ZFPM1: variants seen among roughly 807,000 people sequenced by gnomAD.
ZFPM1 encodes zinc finger protein ZFPM1.
Under a neutral mutation model 46.3 loss-of-function variants are expected in ZFPM1, and 28 were observed. The observed-to-expected ratio is 0.60, with a 90% CI of 0.45 to 0.83. ZFPM1 has a LOEUF of 0.83. ZFPM1 is among the 40% of genes least tolerant of loss of function. The pLI, the probability that ZFPM1 is intolerant of heterozygous loss-of-function variation, is 0.00. For missense variants in ZFPM1, 1,878 were observed against 1,432.4 expected (o/e 1.31, Z -5.02); for synonymous variants, 957 against 675.9 (o/e 1.42, Z -6.45).
chr16:88,534,507 G>C lies in ZFPM1; in HGVS notation c.2549G>C (p.Gly850Ala). The C allele has an allele frequency of 1.4e-6, 2 of 1,448,474 alleles. No individual in the cohort carries two copies. Among genetic ancestry groups the C allele is most frequent in the South Asian group, 2.6e-5 (2 of 77,154 alleles). 89.7% of individuals were successfully genotyped at this position (1,448,474 alleles called of 1,614,324 possible). Reference sequence around the variant, plus strand: ...GCTGCGCCACCGCCCGGCGCGCTCGGCCTGCCCGCCGCCGCCTGCCCCTAC... The same window carrying C: ...GCTGCGCCACCGCCCGGCGCGCTCGCCCTGCCCGCCGCCGCCTGCCCCTAC... ...CPAAPPPGAL[G>A]LPAAACPYCP... Residue 850 changes from glycine (G) to alanine (A), a missense_variant, in exon 10 of 10, where the codon GGC (glycine) becomes GCC (alanine). By Grantham distance (60) the Gly-to-Ala change is moderately conservative. Coordinates refer to ENST00000319555, the MANE Select transcript of ZFPM1 (RefSeq NM_153813.3).
intron 3 of ZFPM1, among the ~76,000 whole-genome samples, chr16:88,491,799 G>A (rs762983357): frequency 3.3e-5 from 5 of 152,218 alleles, no homozygotes; most frequent in South Asian, 2.1e-4. Context: ...GGGCTGATAC[G>A]CGGCCGCTGG....
At position 88,492,695 on chromosome 16, in the gene ZFPM1, C is replaced by T. The variant is rs191725337; in HGVS notation, c.268+3542C>T. Among the ~76,000 whole-genome samples the T allele has an allele frequency of 6.3e-3, 954 of 152,302 alleles. 8 individuals carry two copies. Among genetic ancestry groups the T allele is most frequent in the African/African-American group, 0.022 (906 of 41,574 alleles). On this transcript the variant is annotated intron_variant, in intron 3 of 9. Transcript: ENST00000319555. Reference sequence around the variant, plus strand: ...ATCCAGAAGGTGGACGGTGTTAGCCCGGCGGAGAGGCCCGGCCTTGGTGCC... The same window carrying T: ...ATCCAGAAGGTGGACGGTGTTAGCCTGGCGGAGAGGCCCGGCCTTGGTGCC...
Position 88,534,214 on chromosome 16 carries a change from C to T in ZFPM1, c.2256C>T (p.Ala752=). The change falls in exon 10 of 10, where the codon GCC becomes GCT. Residue 752 remains alanine (A), a synonymous_variant. Transcript: ENST00000319555. Reference sequence around the variant, plus strand: ...GCAAGCTCTACGAGCTGCACGCGGCCGGCGCCCCGCCCCCCCCGCCGCCCG... The same window carrying T: ...GCAAGCTCTACGAGCTGCACGCGGCTGGCGCCCCGCCCCCCCCGCCGCCCG... ...RRRKLYELHA[A]GAPPPPPPGH... is the part of the protein sequence containing the mutation. The T allele has an allele frequency of 3.1e-6, 3 of 983,120 alleles. No individual in the cohort carries two copies. The highest frequency in any genetic ancestry group is 2.4e-6 in the Non-Finnish European group (2 of 830,192). The allele number at this position is 983,120 out of a possible 1,614,324, so 60.9% of individuals were successfully genotyped here.
intron 5 of ZFPM1, 136 bp downstream of exon 5, chr16:88,527,052 C>T (rs542842664): frequency 1.5e-4 from 210 of 1,377,262 alleles, no homozygotes; most frequent in East Asian, 3.0e-4. Context: ...TGGCCCCGGG[C>T]GCTGCAGCAT....
At chr16:88,461,278 G>GC (rs199530031) in intron 1 of ZFPM1, among the ~76,000 whole-genome samples, 11,435 of 150,440 alleles carry the variant, frequency 0.076, 616 homozygotes, top group Non-Finnish European at 0.11. Flanking sequence ...CGGGTGCGAG[G>GC]CCTGGTGAGG....
At chr16:88,519,050 A>G (rs1229123490) in intron 4 of ZFPM1, among the ~76,000 whole-genome samples, 1 of 23,472 alleles carries the variant, frequency 4.3e-5, no homozygotes, top group Non-Finnish European at 1.1e-4. Context: ...GGATGGATAG[A>G]TGGATGGATG....
At chr16:88,493,356 G>A (rs1324274050) in intron 3 of ZFPM1, among the ~76,000 whole-genome samples, 1 of 147,328 alleles carries the variant, frequency 6.8e-6, no homozygotes, top group Non-Finnish European at 1.5e-5. Context: ...CCTGTCCCGG[G>A]GTGGGGAGAG....
intron 3 of ZFPM1, among the ~76,000 whole-genome samples, chr16:88,496,960 C>A (rs1909964051): frequency 6.6e-6 from 1 of 152,134 alleles, no homozygotes; most frequent in South Asian, 2.1e-4. Flanking sequence ...GGGACTTGGG[C>A]AGCGCTGCCT....
At chr16:88,514,654 C>T (rs1911181301) in intron 4 of ZFPM1, 134 bp downstream of exon 4, 1 of 1,248,244 alleles carries the variant, frequency 8.0e-7, no homozygotes, top group South Asian at 1.6e-5. Context: ...ATATTGGGAC[C>T]TGGAGGATAG....
chr16:88,492,687 T>G (rs547763283), intron 3 of ZFPM1, among the ~76,000 whole-genome samples: 1 of 152,080 alleles, frequency 6.6e-6, no homozygotes, highest in Non-Finnish European at 1.5e-5. Flanking sequence ...AGGTGGACGG[T>G]GTTAGCCCGG....
At chr16:88,477,231 G>T (rs895262878) in intron 1 of ZFPM1, among the ~76,000 whole-genome samples, 1 of 152,274 alleles carries the variant, frequency 6.6e-6, no homozygotes, top group Non-Finnish European at 1.5e-5. Flanking sequence ...TGGGCTGGGC[G>T]TGTGGGCTTT....
chr16:88,469,874 C>T lies in ZFPM1; in HGVS notation c.41-16065C>T, dbSNP rs779012105. Among the ~76,000 whole-genome samples, 11 of 152,120 alleles carry T rather than the reference C, an allele frequency of 7.2e-5. No homozygotes were observed. Among genetic ancestry groups the T allele is most frequent in the Non-Finnish European group, 1.3e-4 (9 of 68,006 alleles). ...CCCCCTAACGTGGGGTGCAGTGCCT[C>T]TCACGTGGTGAGGGTCAGAGGTGCG... On this transcript the variant is annotated intron_variant, in intron 1 of 9. Transcript: ENST00000319555. The surrounding 1 kb of genome is among the most constrained non-coding windows in gnomAD (Gnocchi z 4.3).
At chr16:88,530,090 C>T (rs191604946) in intron 6 of ZFPM1, among the ~76,000 whole-genome samples, 6 of 152,136 alleles carry the variant, frequency 3.9e-5, no homozygotes, top group African/African-American at 7.2e-5. Context: ...GAAGAAGGCA[C>T]GGAGGGGATG....
intron 1 of ZFPM1, among the ~76,000 whole-genome samples, chr16:88,468,330 G>A: frequency 6.6e-6 from 1 of 152,134 alleles, no homozygotes; most frequent in East Asian, 1.9e-4. Context: ...GGGGTGCTCT[G>A]AAAGTCATCA....
chr16:88,476,062 T>G (rs1477869523), intron 1 of ZFPM1, among the ~76,000 whole-genome samples: 1 of 152,044 alleles, frequency 6.6e-6, no homozygotes, highest in Non-Finnish European at 1.5e-5. Context: ...CCTCTCCTCG[T>G]GGTGCCCCCA....
chr16:88,453,661 A>G lies in ZFPM1; in HGVS notation c.23A>G (p.Asn8Ser). 1 of 1,194,110 alleles carries G rather than the reference A, an allele frequency of 8.4e-7. No homozygotes were observed. The highest frequency in any genetic ancestry group is 1.1e-6 in the Non-Finnish European group (1 of 945,048). 74.0% of individuals were successfully genotyped at this position (1,194,110 alleles called of 1,614,324 possible). Residue 8 changes from asparagine to serine, a missense_variant, in exon 1 of 10, where the codon AAC (asparagine) becomes AGC (serine). Coordinates refer to ENST00000319555, the MANE Select transcript of ZFPM1 (RefSeq NM_153813.3). Reference sequence around the variant, plus strand: ...GACATGTCCAGGCGGAAACAGAGCAACCCCCGGCAGATCAAGCGTGAGTCA... The same window carrying G: ...GACATGTCCAGGCGGAAACAGAGCAGCCCCCGGCAGATCAAGCGTGAGTCA... MSRRKQSNPRQIKRSLGD... is the reference protein window; with the variant it reads MSRRKQSSPRQIKRSLGD...
intron 9 of ZFPM1, 105 bp from the exon 10 acceptor site, chr16:88,533,043 T>G: frequency 6.6e-7 from 1 of 1,507,548 alleles, no homozygotes; most frequent in Non-Finnish European, 8.9e-7. Flanking sequence ...GCCTTCGCTC[T>G]AAACCACTCC....
At position 88,533,383 on chromosome 16, in the gene ZFPM1, CCTGGGCCCCGGA is replaced by C; in HGVS notation, c.1426_1437del (p.Leu476_Gly479del). On this transcript the variant is annotated inframe_deletion, in exon 10 of 10. Transcript: ENST00000319555. ...TGGAGGAGCCGGAGGCGGCCCCCAT[CCTGGGCCCCGGA>C]GAGCCTGGGCCCCAGGCCCCGTCGC... 6.6e-7 allele frequency: 1 copy of C among 1,526,134 alleles called. No individual in the cohort carries two copies. The highest frequency in any genetic ancestry group is 8.8e-7 in the Non-Finnish European group (1 of 1,142,712). The allele number at this position is 1,526,134 out of a possible 1,614,324, so 94.5% of individuals were successfully genotyped here.
intron 4 of ZFPM1, among the ~76,000 whole-genome samples, chr16:88,516,826 G>A (rs1020175971): frequency 6.6e-6 from 1 of 152,162 alleles, no homozygotes; most frequent in Admixed American, 6.5e-5. Context: ...GGGTGCAGAT[G>A]CGATGCTGTG....
Sources: allele counts gnomAD v4.1 joint callset (sites outside exome capture counted in the v4.1 genomes callset), GRCh38; gene constraint gnomAD v4.1.1; non-coding constraint Gnocchi (gnomAD v3.1); transcripts MANE v1.5; gene names NCBI Gene and HGNC (gene_info 2026-07-23, HGNC 2026-07-21).